CUX1: variants seen among roughly 807,000 people sequenced by gnomAD.
The protein encoded by CUX1 is cut like homeobox 1.
A neutral mutation model predicts 158.8 loss-of-function variants in CUX1; 31 were observed. That is an observed-to-expected ratio of 0.20 (90% confidence interval 0.15 to 0.26). The LOEUF (loss-of-function observed/expected upper bound fraction) is 0.26. CUX1 is among the 10% of genes least tolerant of loss of function. The probability of loss-of-function intolerance (pLI) is 1.00; values close to 1 mark genes in which losing one functional copy is unlikely to be tolerated. For missense variants in CUX1, 1,589 were observed against 2,014.6 expected (o/e 0.79, Z 4.04); for synonymous variants, 879 against 862.1 (o/e 1.02, Z -0.34).
intron 4 of CUX1, among the ~76,000 whole-genome samples, chr7:102,097,028 G>C (rs1829270991): frequency 6.6e-6 from 1 of 152,208 alleles, no homozygotes; most frequent in African/African-American, 2.4e-5. Flanking sequence ...TGACCTCCTG[G>C]GGCTGCTACC....
At chr7:102,011,401 G>A (rs762234688) in intron 2 of CUX1, among the ~76,000 whole-genome samples, 3 of 151,776 alleles carry the variant, frequency 2.0e-5, no homozygotes, top group East Asian at 1.9e-4. Context: ...ATTCTCATAC[G>A]CTGGTGATGG....
chr7:102,024,877 C>T (rs1819804903), intron 2 of CUX1, among the ~76,000 whole-genome samples: 3 of 152,186 alleles, frequency 2.0e-5, no homozygotes, highest in Admixed American at 2.0e-4. Context: ...CTGTCGCAAC[C>T]TGCCATGCGC....
chr7:102,260,522 T>C (rs1790324054), downstream of CUX1, among the ~76,000 whole-genome samples: 1 of 145,562 alleles, frequency 6.9e-6, no homozygotes, highest in Admixed American at 6.9e-5. Context: ...TTCTCCTGCC[T>C]CCGCCTCCCA....
At chr7:101,867,540 G>A (rs1312918687) in intron 1 of CUX1, among the ~76,000 whole-genome samples, 3 of 152,200 alleles carry the variant, frequency 2.0e-5, no homozygotes, top group African/African-American at 7.2e-5. Flanking sequence ...CACACTGGGA[G>A]GGGAGGGCTT....
At chr7:102,148,693 A>T (rs1554502756) in intron 8 of CUX1, among the ~76,000 whole-genome samples, 1 of 148,044 alleles carries the variant, frequency 6.8e-6, no homozygotes, top group African/African-American at 2.5e-5. Context: ...TGTATGTGTT[A>T]TATATATATA....
intron 20 of CUX1, among the ~76,000 whole-genome samples, chr7:102,216,594 A>ACT (rs1250328541): frequency 6.4e-4 from 23 of 35,900 alleles, no homozygotes; most frequent in African/African-American, 2.1e-3. Flanking sequence ...CCACACACAC[A>ACT]CTCCCACACA....
intron 2 of CUX1, among the ~76,000 whole-genome samples, chr7:101,925,773 A>G (rs1805512796): frequency 6.6e-6 from 1 of 152,092 alleles, no homozygotes; most frequent in Non-Finnish European, 1.5e-5. Context: ...CCCTACAGAA[A>G]AATAGAAATA....
chr7:102,157,729 G>A (rs938368464), intron 8 of CUX1, among the ~76,000 whole-genome samples: 1 of 152,114 alleles, frequency 6.6e-6, no homozygotes, highest in South Asian at 2.1e-4. Context: ...GCAGTGAGCC[G>A]AGATCTCATC....
At chr7:101,831,765 AGAGTCT>A (rs1212792046) in intron 1 of CUX1, among the ~76,000 whole-genome samples, 1 of 88,746 alleles carries the variant, frequency 1.1e-5, no homozygotes, top group African/African-American at 4.6e-5. Flanking sequence ...ATTTAGAGAC[AGAGTCT>A]CGCTCTGTCG....
intron 2 of CUX1, among the ~76,000 whole-genome samples, chr7:101,984,496 CAAAAAAAA>C (rs569101693): frequency 1.8e-5 from 2 of 111,672 alleles, no homozygotes; most frequent in African/African-American, 7.4e-5. Flanking sequence ...TGTTCTCCGG[CAAAAAAAA>C]AAAAAAAAAA....
intron 2 of CUX1, among the ~76,000 whole-genome samples, chr7:101,974,211 T>C (rs999597249): frequency 6.6e-6 from 1 of 152,018 alleles, no homozygotes; most frequent in Non-Finnish European, 1.5e-5. Flanking sequence ...ATTCTCATTT[T>C]AAAAATTAAG....
At chr7:101,878,356 CA>C (rs1025476093) in intron 1 of CUX1, among the ~76,000 whole-genome samples, 1 of 152,146 alleles carries the variant, frequency 6.6e-6, no homozygotes, top group Non-Finnish European at 1.5e-5. Context: ...TTTTAGAGAC[CA>C]ACCTCGCAGT....
At position 102,198,875 on chromosome 7, in the gene CUX1, G is replaced by A. The variant is rs945077000; in HGVS notation, c.1960+8G>A. 18 of 1,613,658 alleles carry A rather than the reference G, an allele frequency of 1.1e-5. No homozygotes were observed. The Middle Eastern group carries it at 4.9e-4, about 44-fold the overall frequency. On this transcript the variant is annotated splice_region_variant and intron_variant, in intron 16 of 23. Coordinates refer to ENST00000292535, the MANE Select transcript of CUX1 (RefSeq NM_181552.4). ...GAAGAAATGGGTCTGAAGGTATGTT[G>A]CAGGCAGGCGTTTTCTTTGCAGTCA... is the stretch of plus-strand genomic sequence containing the variant.
rs142266932 is a variant in CUX1, at chr7:102,229,891, G to A, written c.3433+2222G>A. 4.6e-3 allele frequency among the ~76,000 whole-genome samples: 702 copies of A among 152,210 alleles called. 6 individuals carry two copies. Among genetic ancestry groups the A allele is most frequent in the African/African-American group, 0.016 (670 of 41,518 alleles). ...CCCACCTTGGCCTCCAAAAATGCTG[G>A]GATTACAGGCATGAGCCACCACACC... On this transcript the variant is annotated intron_variant, in intron 21 of 23. Transcript: ENST00000292535.
chr7:101,968,264 G>C (rs1373865253), intron 2 of CUX1, among the ~76,000 whole-genome samples: 1 of 152,134 alleles, frequency 6.6e-6, no homozygotes, highest in African/African-American at 2.4e-5. Flanking sequence ...TGTGGGGTGG[G>C]AGGGAGTTCC....
chr7:102,090,636 C>T (rs2130840411), intron 4 of CUX1, among the ~76,000 whole-genome samples: 1 of 151,894 alleles, frequency 6.6e-6, no homozygotes, highest in African/African-American at 2.4e-5. Flanking sequence ...GATCCACCAC[C>T]TCAGCCTCCC....
Position 102,255,203 on chromosome 7 carries a change from G to C in CUX1, c.*6161G>C. On this transcript the variant is annotated 3_prime_UTR_variant, in exon 24 of 24. Coordinates refer to ENST00000292535, the MANE Select transcript of CUX1 (RefSeq NM_181552.4). ...CGACTTCCAAAAACTGCCTCCTCCTGCCCAGGCCTCTCCCACCACCACCTT... is the reference window on the plus strand; with the variant it reads ...CGACTTCCAAAAACTGCCTCCTCCTCCCCAGGCCTCTCCCACCACCACCTT... 1 of 985,398 alleles carries C rather than the reference G, an allele frequency of 1.0e-6. No homozygotes were observed. Among genetic ancestry groups the C allele is most frequent in the Non-Finnish European group, 1.2e-6 (1 of 829,948 alleles). 61.0% of individuals were successfully genotyped at this position (985,398 alleles called of 1,614,324 possible).
chr7:101,893,299 C>T (rs372898981), intron 1 of CUX1, among the ~76,000 whole-genome samples: 51 of 151,052 alleles, frequency 3.4e-4, no homozygotes, highest in South Asian at 1.3e-3. Context: ...TGAGCAACTG[C>T]GCCTGGCAAG....
At chr7:101,948,488 C>T (rs1020914960) in intron 2 of CUX1, among the ~76,000 whole-genome samples, 2 of 152,118 alleles carry the variant, frequency 1.3e-5, no homozygotes, top group African/African-American at 2.4e-5. Context: ...AGCCTTGGAA[C>T]GTTGCCTGCT....
Sources: gnomAD v4.1 joint callset for allele counts (sites outside exome capture counted in the v4.1 genomes callset) on GRCh38, gnomAD v4.1.1 for gene constraint, MANE v1.5 for transcripts, NCBI Gene and HGNC (gene_info 2026-07-23, HGNC 2026-07-21) for gene names.